DGKB: variants seen among roughly 807,000 people sequenced by gnomAD.
The protein encoded by DGKB is diacylglycerol kinase beta.
In DGKB, 67 loss-of-function variants were observed where a neutral mutation model predicts 114.3. The ratio of observed to expected loss-of-function variants is 0.59; its 90% CI spans 0.48 to 0.72. DGKB has a LOEUF of 0.72. Ranked by LOEUF, DGKB falls within the 30% of genes least tolerant of loss-of-function variation. DGKB has a pLI of 0.00. For missense variants in DGKB, 907 were observed against 975.2 expected (o/e 0.93, Z 0.93); for synonymous variants, 398 against 323.1 (o/e 1.23, Z -2.49).
At chr7:14,918,565 C>A (rs1784352052) in intron 1 of DGKB, among the ~76,000 whole-genome samples, 1 of 151,780 alleles carries the variant, frequency 6.6e-6, no homozygotes, top group South Asian at 2.1e-4. Context: ...AAAATATATA[C>A]AGGATGTATA....
At chr7:14,888,009 C>G (rs1780583037) in intron 1 of DGKB, among the ~76,000 whole-genome samples, 1 of 151,648 alleles carries the variant, frequency 6.6e-6, no homozygotes, top group Non-Finnish European at 1.5e-5. Context: ...TTATTAAATG[C>G]TTTTTGGCTG....
chr7:14,964,481 C>A (rs1449940299), intron 1 of DGKB, among the ~76,000 whole-genome samples: 1 of 152,104 alleles, frequency 6.6e-6, no homozygotes, highest in Non-Finnish European at 1.5e-5. Flanking sequence ...GCCTAGGTGA[C>A]AGAGCTAGAC....
chr7:14,899,720 T>A (rs537800098), intron 1 of DGKB, among the ~76,000 whole-genome samples: 1 of 152,016 alleles, frequency 6.6e-6, no homozygotes, highest in East Asian at 1.9e-4. Context: ...GGATCTGGGG[T>A]CAATGCAGGT....
chr7:14,492,625 A>C (rs952537006), intron 20 of DGKB, among the ~76,000 whole-genome samples: 1 of 152,156 alleles, frequency 6.6e-6, no homozygotes, highest in African/African-American at 2.4e-5. Flanking sequence ...GCAAATCATG[A>C]ACCCCCGCCA....
rs563897976 is a variant in DGKB, at chr7:14,794,968, G to T, written c.71-37237C>A. Among the ~76,000 whole-genome samples the T allele has an allele frequency of 3.3e-5, 5 of 152,244 alleles. No individual in the cohort carries two copies. In the East Asian group the frequency reaches 5.8e-4, roughly 18 times the overall value. Reference sequence around the variant, plus strand: ...AAAGATTGGCCTTACATTGCCTAAGGAAACTGTAATGACCTCCCCCAAGGC... The same window carrying T: ...AAAGATTGGCCTTACATTGCCTAAGTAAACTGTAATGACCTCCCCCAAGGC... On this transcript the variant is annotated intron_variant, in intron 2 of 25. Coordinates refer to ENST00000402815, the MANE Select transcript of DGKB (RefSeq NM_001350709.2).
chr7:14,582,329 T>C (rs1280689032), intron 18 of DGKB, among the ~76,000 whole-genome samples: 1 of 152,208 alleles, frequency 6.6e-6, no homozygotes, highest in Non-Finnish European at 1.5e-5. Context: ...CCTGAATTTA[T>C]ACTTTTTCTT....
intron 23 of DGKB, among the ~76,000 whole-genome samples, chr7:14,277,792 G>A (rs7796825): frequency 0.75 from 114,822 of 152,088 alleles, 44,343 homozygotes; most frequent in South Asian, 0.86. Flanking sequence ...ACCCGAGGTA[G>A]GATTGCTGGA....
At chr7:14,673,064 C>T in intron 12 of DGKB, 37 bp from the exon 13 acceptor site, 5 of 1,204,936 alleles carry the variant, frequency 4.1e-6, no homozygotes, top group Non-Finnish European at 6.0e-6. Flanking sequence ...TCAAATTCTA[C>T]ATGACAACGC....
At chr7:14,358,106 G>C (rs948492175) in intron 21 of DGKB, among the ~76,000 whole-genome samples, 3 of 152,134 alleles carry the variant, frequency 2.0e-5, no homozygotes, top group African/African-American at 4.8e-5. Context: ...CTTTGTGGTG[G>C]TCTCTGTATT....
intron 2 of DGKB, among the ~76,000 whole-genome samples, chr7:14,800,523 C>T (rs546787126): frequency 6.6e-6 from 1 of 152,334 alleles, no homozygotes; most frequent in Admixed American, 6.5e-5. Context: ...AGACATCAGG[C>T]TCCAAGTTCT....
chr7:14,638,396 TA>T (rs1811137346), intron 13 of DGKB, among the ~76,000 whole-genome samples: 1 of 152,196 alleles, frequency 6.6e-6, no homozygotes, highest in Non-Finnish European at 1.5e-5. Context: ...AATGATTTTT[TA>T]AAACCAAGCC....
At chr7:14,574,121 T>A in intron 20 of DGKB, 91 bp downstream of exon 20, 1 of 1,016,186 alleles carries the variant, frequency 9.8e-7, no homozygotes, top group Non-Finnish European at 1.4e-6. Context: ...AAATAAGTTA[T>A]TTATAATCAG....
At chr7:14,723,469 T>A (rs1829541138) in intron 5 of DGKB, among the ~76,000 whole-genome samples, 1 of 152,184 alleles carries the variant, frequency 6.6e-6, no homozygotes. Context: ...CAATTGACAC[T>A]TAAAGTAGTA....
chr7:14,462,583 A>G (rs1351148056), intron 21 of DGKB, among the ~76,000 whole-genome samples: 1 of 152,040 alleles, frequency 6.6e-6, no homozygotes, highest in Non-Finnish European at 1.5e-5. Flanking sequence ...TGCTCAGGGA[A>G]ATAGGAGAGG....
chr7:14,204,786 G>A (rs989381850), intron 23 of DGKB, among the ~76,000 whole-genome samples: 6 of 152,026 alleles, frequency 3.9e-5, no homozygotes, highest in African/African-American at 1.2e-4. Context: ...ACGAGTATGG[G>A]AAGAGAACGT....
At chr7:14,284,118 G>T (rs1243029374) in intron 23 of DGKB, among the ~76,000 whole-genome samples, 4 of 152,008 alleles carry the variant, frequency 2.6e-5, no homozygotes, top group Admixed American at 6.6e-5. Flanking sequence ...CTGCTCATCT[G>T]ACAAAGGGCT....
At chr7:14,164,029 TA>T (rs1784295406) in intron 25 of DGKB, among the ~76,000 whole-genome samples, 1 of 150,546 alleles carries the variant, frequency 6.6e-6, no homozygotes, top group South Asian at 2.1e-4. Context: ...AAAAACAAAA[TA>T]AAAAACCTCA....
chr7:14,664,015 A>G (rs1817611621), intron 13 of DGKB, among the ~76,000 whole-genome samples: 1 of 151,946 alleles, frequency 6.6e-6, no homozygotes, highest in Admixed American at 6.6e-5. Context: ...CTTGAGGTTC[A>G]TGAAATCTAA....
intron 5 of DGKB, among the ~76,000 whole-genome samples, chr7:14,723,889 T>A (rs1381896945): frequency 6.6e-6 from 1 of 152,150 alleles, no homozygotes. Flanking sequence ...ACACTTCATT[T>A]CTTGAAACAA....
Sources: allele counts gnomAD v4.1 joint callset (sites outside exome capture counted in the v4.1 genomes callset), GRCh38; gene constraint gnomAD v4.1.1; transcripts MANE v1.5; gene names NCBI Gene and HGNC (gene_info 2026-07-23, HGNC 2026-07-21).